SYT9: variants seen among roughly 807,000 people sequenced by gnomAD.
SYT9 encodes synaptotagmin-9.
A neutral mutation model predicts 48.4 loss-of-function variants in SYT9; 22 were observed. The ratio of observed to expected loss-of-function variants is 0.45; its 90% CI spans 0.32 to 0.65. The LOEUF is 0.65. Ranked by LOEUF, SYT9 falls within the 30% of genes least tolerant of loss-of-function variation. SYT9 has a pLI of 0.03. For missense variants in SYT9, 577 were observed against 622.0 expected (o/e 0.93, Z 0.77); for synonymous variants, 265 against 245.0 (o/e 1.08, Z -0.76).
intron 6 of SYT9, chr11:7,437,964 C>T (rs752690012): frequency 9.2e-5 from 14 of 152,190 alleles, no homozygotes; most frequent in Non-Finnish European, 1.6e-4. Flanking sequence ...TGCTTGACTC[C>T]ACACGGACTC....
At chr11:7,248,600 A>G (rs1032818299), upstream of SYT9, among the ~76,000 whole-genome samples, 2 of 152,122 alleles carry the variant, frequency 1.3e-5, no homozygotes, top group Non-Finnish European at 2.9e-5. Flanking sequence ...TTTCCAAATA[A>G]AATACTTAGG....
intron 3 of SYT9, among the ~76,000 whole-genome samples, chr11:7,360,675 T>A (rs1353959955): frequency 6.6e-6 from 1 of 152,212 alleles, no homozygotes; most frequent in South Asian, 2.1e-4. Context: ...ATAGCTTTAT[T>A]CATAAAGGCA....
In SYT9 at chr11:7,343,415, T is replaced by C. The variant is rs57841540; in HGVS notation, c.1044+29474T>C. On this transcript the variant is annotated intron_variant, in intron 3 of 6. Coordinates refer to ENST00000318881, the MANE Select transcript of SYT9 (RefSeq NM_175733.4). ...TAAATCATCTCCCTTAAGTTCAAAG[T>C]TCCATAAATCTCTAAAATGGGGGAA... 7.9e-3 allele frequency among the ~76,000 whole-genome samples: 1,206 copies of C among 152,300 alleles called. 17 individuals carry two copies. The highest frequency in any genetic ancestry group is 0.028 in the African/African-American group (1,149 of 41,562).
At chr11:7,384,452 C>A (rs1850620230) in intron 3 of SYT9, among the ~76,000 whole-genome samples, 1 of 152,192 alleles carries the variant, frequency 6.6e-6, no homozygotes, top group Non-Finnish European at 1.5e-5. Flanking sequence ...TCTCCACTTG[C>A]TCAGGCAAAA....
chr11:7,414,427 G>A (rs1847199631), intron 3 of SYT9, among the ~76,000 whole-genome samples: 1 of 152,208 alleles, frequency 6.6e-6, no homozygotes, highest in Admixed American at 6.5e-5. Context: ...TTTCCTTTCT[G>A]CCACCAGCAG....
chr11:7,407,529 C>T (rs1380465700), intron 3 of SYT9, among the ~76,000 whole-genome samples: 6 of 100,464 alleles, frequency 6.0e-5, no homozygotes, highest in South Asian at 2.5e-4. Flanking sequence ...TACAGGCGCC[C>T]GCCACCGCGC....
chr11:7,274,327 T>A (rs2133891579), intron 1 of SYT9, among the ~76,000 whole-genome samples: 1 of 150,914 alleles, frequency 6.6e-6, no homozygotes, highest in Non-Finnish European at 1.5e-5. Flanking sequence ...CTTTTTTTTT[T>A]TTTTTTTTTT....
rs189554779 is a variant in SYT9, at chr11:7,397,465, C to G, written c.1045-18577C>G. On this transcript the variant is annotated intron_variant, in intron 3 of 6. Transcript: ENST00000318881. ...TCATAATCCAGTAGTGTTAAGTCTTCCCATTTTTTGCTTTTTCAAAATAAG... is the reference window on the plus strand; with the variant it reads ...TCATAATCCAGTAGTGTTAAGTCTTGCCATTTTTTGCTTTTTCAAAATAAG... 7.4e-4 allele frequency among the ~76,000 whole-genome samples: 113 copies of G among 152,136 alleles called. 1 individual carries two copies. The highest frequency in any genetic ancestry group is 9.8e-4 in the Admixed American group (15 of 15,284).
intron 3 of SYT9, among the ~76,000 whole-genome samples, chr11:7,391,524 T>C (rs1846610166): frequency 6.6e-6 from 1 of 152,000 alleles, no homozygotes; most frequent in Non-Finnish European, 1.5e-5. Flanking sequence ...GAGTATCTCA[T>C]TGTGGTTTTC....
chr11:7,289,465 A>G (rs1848659458), intron 1 of SYT9, among the ~76,000 whole-genome samples: 1 of 152,350 alleles, frequency 6.6e-6, no homozygotes, highest in East Asian at 1.9e-4. Context: ...AATGGTTAAA[A>G]TGGTAAATTT....
chr11:7,405,787 T>G (rs1041480246), intron 3 of SYT9, among the ~76,000 whole-genome samples: 1 of 152,210 alleles, frequency 6.6e-6, no homozygotes, highest in Non-Finnish European at 1.5e-5. Context: ...ACTTGAAAAT[T>G]TCTATATTGG....
intron 3 of SYT9, among the ~76,000 whole-genome samples, chr11:7,391,792 T>C (rs549524550): frequency 7.3e-6 from 1 of 136,448 alleles, no homozygotes; most frequent in East Asian, 2.5e-4. Context: ...GGCATACGCC[T>C]GTAGTCCCAG....
At chr11:7,414,421 C>G (rs974173731) in intron 3 of SYT9, among the ~76,000 whole-genome samples, 6 of 152,206 alleles carry the variant, frequency 3.9e-5, no homozygotes, top group African/African-American at 1.4e-4. Context: ...TCTCTCTTTC[C>G]TTTCTGCCAC....
intron 3 of SYT9, among the ~76,000 whole-genome samples, chr11:7,412,558 C>A (rs1847157820): frequency 6.6e-6 from 1 of 152,130 alleles, no homozygotes; most frequent in Non-Finnish European, 1.5e-5. Flanking sequence ...GCCAGTGGTA[C>A]AGCAGTGGTC....
intron 1 of SYT9, among the ~76,000 whole-genome samples, chr11:7,286,457 G>C (rs558534810): frequency 1.3e-4 from 20 of 152,348 alleles, no homozygotes; most frequent in African/African-American, 4.6e-4. Context: ...AGGCCTCAAG[G>C]CCTGTGATGG....
intron 1 of SYT9, among the ~76,000 whole-genome samples, chr11:7,293,867 C>G (rs148974665): frequency 1.3e-5 from 2 of 152,152 alleles, no homozygotes; most frequent in Non-Finnish European, 2.9e-5. Context: ...CTGCTGAAGT[C>G]TTTTGGCCCC....
chr11:7,249,232 A>C (rs1467981540), upstream of SYT9, among the ~76,000 whole-genome samples: 1 of 152,206 alleles, frequency 6.6e-6, no homozygotes, highest in South Asian at 2.1e-4. Context: ...TTCTTTCTCC[A>C]CATTGTTTCT....
intron 6 of SYT9, among the ~76,000 whole-genome samples, chr11:7,464,937 A>T (rs1047861774): frequency 1.3e-5 from 2 of 151,998 alleles, no homozygotes; most frequent in Non-Finnish European, 1.5e-5. Flanking sequence ...AAAAAAAAAA[A>T]ATTAGCCGGG....
chr11:7,400,536 A>G (rs1261231275), intron 3 of SYT9, among the ~76,000 whole-genome samples: 1 of 152,188 alleles, frequency 6.6e-6, no homozygotes, highest in Non-Finnish European at 1.5e-5. Context: ...GACATTGAAG[A>G]TAATATTGGT....
Sources: allele counts gnomAD v4.1 joint callset (sites outside exome capture counted in the v4.1 genomes callset), GRCh38; gene constraint gnomAD v4.1.1; transcripts MANE v1.5; gene names NCBI Gene and HGNC (gene_info 2026-07-23, HGNC 2026-07-21).